The following ABHD2 variants were observed in gnomAD, a reference collection of about 807,000 sequenced individuals.
ABHD2 encodes abhydrolase domain containing 2, acylglycerol lipase.
Under a neutral mutation model 48.1 loss-of-function variants are expected in ABHD2, and 20 were observed. That is an observed-to-expected ratio of 0.42 (90% confidence interval 0.29 to 0.60). The LOEUF (loss-of-function observed/expected upper bound fraction) is 0.60, where lower values mean the gene tolerates loss of function less well. Among genes scored for constraint, ABHD2 ranks in the 20% least tolerant of loss-of-function variants. The probability of loss-of-function intolerance (pLI) is 0.24; values close to 1 mark genes in which losing one functional copy is unlikely to be tolerated. For missense variants in ABHD2, 405 were observed against 550.9 expected (o/e 0.74, Z 2.65); for synonymous variants, 209 against 214.2 (o/e 0.98, Z 0.21).
At chr15:89,111,373 T>C (rs1388498370) in intron 1 of ABHD2, among the ~76,000 whole-genome samples, 1 of 152,232 alleles carries the variant, frequency 6.6e-6, no homozygotes, top group Non-Finnish European at 1.5e-5. Context: ...TAAAACAGTC[T>C]AGAAGTCACA....
At chr15:89,080,484 G>C in the ABHD2 span, among the ~76,000 whole-genome samples, 1 of 152,132 alleles carries the variant, frequency 6.6e-6, no homozygotes, top group Non-Finnish European at 1.5e-5. Flanking sequence ...AGCCCCCTTG[G>C]TGTTAGAATA....
Position 89,182,402 on chromosome 15 carries a change from G to A in ABHD2, c.723-3022G>A, listed in dbSNP as rs1268857893. Among the ~76,000 whole-genome samples the A allele has an allele frequency of 6.6e-6, 1 of 152,086 alleles. No homozygotes were observed. The highest frequency in any genetic ancestry group is 1.9e-4 in the East Asian group (1 of 5,190). On this transcript the variant is annotated intron_variant, in intron 6 of 10. Coordinates refer to ENST00000352732, the MANE Select transcript of ABHD2 (RefSeq NM_152924.5). The surrounding 1 kb of genome is among the most constrained non-coding windows in gnomAD (Gnocchi z 4.8). Reference sequence around the variant, plus strand: ...CTGTGTCCTCAGCCAGTTTATCCTGGTGGACCAATATCTGGCCCAGCCTGG... The same window carrying A: ...CTGTGTCCTCAGCCAGTTTATCCTGATGGACCAATATCTGGCCCAGCCTGG...
intron 3 of ABHD2, among the ~76,000 whole-genome samples, chr15:89,132,990 T>G (rs2050243808): frequency 6.6e-6 from 1 of 152,238 alleles, no homozygotes; most frequent in Non-Finnish European, 1.5e-5. Context: ...TTTTTGTAAC[T>G]GTTCCTCTGA....
chr15:89,123,020 T>C (rs1289614131), intron 3 of ABHD2, among the ~76,000 whole-genome samples: 1 of 152,220 alleles, frequency 6.6e-6, no homozygotes, highest in Non-Finnish European at 1.5e-5. Context: ...TCCCCAGAGA[T>C]GCAAAGGTAA....
At chr15:89,160,530 A>T (rs1198485356) in intron 5 of ABHD2, among the ~76,000 whole-genome samples, 1 of 148,948 alleles carries the variant, frequency 6.7e-6, no homozygotes, top group Non-Finnish European at 1.5e-5. Context: ...CCAAAGAATT[A>T]TTGTGTCCAG....
intron 3 of ABHD2, among the ~76,000 whole-genome samples, chr15:89,125,137 T>A (rs929103891): frequency 1.3e-5 from 2 of 151,194 alleles, no homozygotes. Flanking sequence ...ATGCCTGTAG[T>A]CCCAGCTACT....
chr15:89,108,319 G>A (rs970668052), intron 1 of ABHD2, among the ~76,000 whole-genome samples: 3 of 152,196 alleles, frequency 2.0e-5, no homozygotes, highest in African/African-American at 7.2e-5. Flanking sequence ...GGCATTGCTT[G>A]CTGTAGATAC....
rs1219936242 is a variant in ABHD2, at chr15:89,179,022, CA to C, written c.722+3028del. On this transcript the variant is annotated intron_variant, in intron 6 of 10. Coordinates refer to ENST00000352732, the MANE Select transcript of ABHD2 (RefSeq NM_152924.5). This position sits in a 1 kb window ranked among gnomAD's most constrained non-coding sequence, Gnocchi z 4.3. ...AAAGATAGTCTGTATCTGAGGACCT[CA>C]CAGCACTTAAGACAGCAGAGTGATA... Among the ~76,000 whole-genome samples the C allele has an allele frequency of 1.3e-5, 2 of 152,232 alleles. No individual in the cohort carries two copies. Among genetic ancestry groups the C allele is most frequent in the African/African-American group, 4.8e-5 (2 of 41,464 alleles).
chr15:89,109,317 A>T (rs1020533236), intron 1 of ABHD2, among the ~76,000 whole-genome samples: 7 of 152,336 alleles, frequency 4.6e-5, no homozygotes, highest in African/African-American at 1.4e-4. Context: ...TCCTTTGTTA[A>T]TGCGGACTAT....
At chr15:89,121,343 C>G (rs550322345) in intron 3 of ABHD2, among the ~76,000 whole-genome samples, 8 of 152,258 alleles carry the variant, frequency 5.3e-5, no homozygotes, top group South Asian at 2.1e-4. Flanking sequence ...GGGAAGGACC[C>G]TGGGAGAGGG....
At chr15:89,132,822 T>C (rs2050241338) in intron 3 of ABHD2, among the ~76,000 whole-genome samples, 1 of 152,236 alleles carries the variant, frequency 6.6e-6, no homozygotes, top group Non-Finnish European at 1.5e-5. Flanking sequence ...CTCTCTCACT[T>C]TGTGGACAAG....
intron 3 of ABHD2, chr15:89,136,496 G>A (rs1175260380): frequency 4.6e-5 from 18 of 391,674 alleles, no homozygotes; most frequent in Non-Finnish European, 8.6e-5. Context: ...CTTTGCCCAT[G>A]TTTAGTTATT....
the ABHD2 span, among the ~76,000 whole-genome samples, chr15:89,055,284 C>G: frequency 1.1e-4 from 17 of 148,208 alleles, no homozygotes; most frequent in Non-Finnish European, 1.2e-4. Context: ...AACTATCCTA[C>G]TTTTAGGACT....
chr15:89,045,048 T>C, the ABHD2 span, among the ~76,000 whole-genome samples: 1 of 152,206 alleles, frequency 6.6e-6, no homozygotes, highest in Non-Finnish European at 1.5e-5. Context: ...GTCTAACGTT[T>C]AAGTCTTTAA....
At chr15:89,192,740 G>T (rs2051327830) in intron 9 of ABHD2, among the ~76,000 whole-genome samples, 1 of 152,010 alleles carries the variant, frequency 6.6e-6, no homozygotes, top group Non-Finnish European at 1.5e-5. Flanking sequence ...CTGGGCTGTG[G>T]GTCTCACTAT....
At chr15:89,103,190 C>T (rs576858987) in intron 1 of ABHD2, among the ~76,000 whole-genome samples, 66 of 152,348 alleles carry the variant, frequency 4.3e-4, no homozygotes, top group Middle Eastern at 3.4e-3. Flanking sequence ...GACCAATTCT[C>T]ATCCTCCTCA....
chr15:89,185,633 G>C lies in ABHD2; in HGVS notation c.815+117G>C. 9.0e-6 allele frequency: 8 copies of C among 889,268 alleles called. No individual in the cohort carries two copies. The South Asian group carries it at 1.2e-4, about 13-fold the overall frequency. 55.1% of individuals were successfully genotyped at this position (889,268 alleles called of 1,614,324 possible). On this transcript the variant is annotated intron_variant, in intron 7 of 10. Coordinates refer to ENST00000352732, the MANE Select transcript of ABHD2 (RefSeq NM_152924.5). The surrounding 1 kb of genome is among the most constrained non-coding windows in gnomAD (Gnocchi z 5.9). ...GGGGAAAAAAAAAAATGCAGGTGTG[G>C]TACAGACTCTCTGCTGCCTGCATTT...
chr15:89,072,101 C>G, the ABHD2 span, among the ~76,000 whole-genome samples: 1 of 152,108 alleles, frequency 6.6e-6, no homozygotes, highest in Admixed American at 6.5e-5. Context: ...AAAATGTCTC[C>G]GTTAGAAACC....
chr15:89,088,136 A>T (rs1901436863), upstream of ABHD2: 1 of 152,328 alleles, frequency 6.6e-6, no homozygotes, highest in Non-Finnish European at 1.5e-5. The surrounding 1 kb of genome is among the most constrained non-coding windows in gnomAD (Gnocchi z 6.8). Context: ...GACATCAAAC[A>T]CGACCCACCT....
Sources: gnomAD v4.1 joint callset for allele counts (sites outside exome capture counted in the v4.1 genomes callset) on GRCh38, gnomAD v4.1.1 for gene constraint, Gnocchi (gnomAD v3.1) non-coding constraint, MANE v1.5 for transcripts, NCBI Gene and HGNC (gene_info 2026-07-23, HGNC 2026-07-21) for gene names.